The following MAGT1 variants were observed in gnomAD, a reference collection of about 807,000 sequenced individuals.
MAGT1 encodes magnesium transporter 1.
A neutral mutation model predicts 28.4 loss-of-function variants in MAGT1; 4 were observed. The ratio of observed to expected loss-of-function variants is 0.14; its 90% CI spans 0.07 to 0.32. The LOEUF (loss-of-function observed/expected upper bound fraction) is 0.32, where lower values mean the gene tolerates loss of function less well. MAGT1 is among the 10% of genes least tolerant of loss of function. The pLI, the probability that MAGT1 is intolerant of heterozygous loss-of-function variation, is 1.00. For missense variants in MAGT1, 193 were observed against 264.5 expected (o/e 0.73, Z 1.88); for synonymous variants, 89 against 89.7 (o/e 0.99, Z 0.04).
At chrX:77,839,303 T>TAAC (rs201726756) in intron 8 of MAGT1, among the ~76,000 whole-genome samples, 59 of 105,429 alleles carry the variant, frequency 5.6e-4, no homozygotes, top group Middle Eastern at 4.8e-3. Flanking sequence ...GACTCTGTCT[T>TAAC]AACAACAACA....
At chrX:77,889,140 ATTTTTT>A (rs782124850) in intron 1 of MAGT1, among the ~76,000 whole-genome samples, 1 of 68,302 alleles carries the variant, frequency 1.5e-5, no homozygotes, top group African/African-American at 5.6e-5. Flanking sequence ...ATGCTCTGCT[ATTTTTT>A]TTTTTTTTTT....
intron 2 of MAGT1, among the ~76,000 whole-genome samples, chrX:77,872,449 T>C (rs138911579): frequency 8.9e-6 from 1 of 112,178 alleles, no homozygotes; most frequent in Admixed American, 9.6e-5. Flanking sequence ...TCAGAATACA[T>C]TCTCTAATCT....
At chrX:77,829,739 C>T (rs1027708810) in intron 9 of MAGT1, among the ~76,000 whole-genome samples, 1 of 111,085 alleles carries the variant, frequency 9.0e-6, no homozygotes, top group African/African-American at 3.3e-5. Flanking sequence ...ATTACTCAGA[C>T]TGGAGTGCAG....
intron 7 of MAGT1, among the ~76,000 whole-genome samples, chrX:77,845,770 T>C (rs1457372229): frequency 6.2e-5 from 7 of 112,075 alleles, no homozygotes; most frequent in Non-Finnish European, 1.3e-4. Flanking sequence ...TGGCCCCCAC[T>C]CTCTTCTGGC....
intron 8 of MAGT1, among the ~76,000 whole-genome samples, chrX:77,839,266 C>T (rs1420018869): frequency 9.5e-6 from 1 of 105,243 alleles, no homozygotes; most frequent in Non-Finnish European, 2.0e-5. Context: ...ATCGCGCCAC[C>T]GCACTCCAGC....
At chrX:77,884,839 C>T (rs1434258474) in intron 1 of MAGT1, among the ~76,000 whole-genome samples, 4 of 107,578 alleles carry the variant, frequency 3.7e-5, no homozygotes, top group African/African-American at 1.4e-4. Context: ...AATCCCAGCA[C>T]TCTAGGAGGC....
intron 2 of MAGT1, among the ~76,000 whole-genome samples, chrX:77,873,903 C>G (rs966201888): frequency 2.2e-4 from 24 of 111,128 alleles, no homozygotes; most frequent in African/African-American, 7.8e-4. Context: ...CACATCCTCT[C>G]CTAAGACTCT....
At chrX:77,883,528 T>A (rs1420428181) in intron 1 of MAGT1, among the ~76,000 whole-genome samples, 3 of 107,358 alleles carry the variant, frequency 2.8e-5, no homozygotes, top group African/African-American at 1.0e-4. Context: ...GCAGAGGCAA[T>A]TAGATTACTT....
chrX:77,873,861 C>A, intron 2 of MAGT1, among the ~76,000 whole-genome samples: 1 of 111,566 alleles, frequency 9.0e-6, no homozygotes, highest in South Asian at 3.8e-4. Context: ...AACTTACCCC[C>A]CTCATCTAAC....
At chrX:77,871,734 C>T (rs1020182293) in intron 2 of MAGT1, among the ~76,000 whole-genome samples, 37 of 109,444 alleles carry the variant, frequency 3.4e-4, no homozygotes, top group Non-Finnish European at 4.6e-4. Context: ...CTCAGCTACT[C>T]GGGAGGCTGA....
chrX:77,880,114 C>T (rs895125266), intron 1 of MAGT1, among the ~76,000 whole-genome samples: 1 of 107,472 alleles, frequency 9.3e-6, no homozygotes, highest in African/African-American at 3.4e-5. Context: ...GCTGGGATTA[C>T]AGGCATGAGC....
intron 1 of MAGT1, among the ~76,000 whole-genome samples, chrX:77,882,481 T>C (rs1488389417): frequency 8.9e-6 from 1 of 111,942 alleles, no homozygotes; most frequent in Non-Finnish European, 1.9e-5. Context: ...ACATATTCTG[T>C]ATGGGGCTGA....
chrX:77,878,880 A>G (rs1251601568), intron 1 of MAGT1, among the ~76,000 whole-genome samples: 1 of 110,885 alleles, frequency 9.0e-6, no homozygotes, highest in East Asian at 2.8e-4. Flanking sequence ...ATTATTTGGC[A>G]TTTGTCCTAT....
At chrX:77,848,296 C>T (rs1407546767) in intron 7 of MAGT1, among the ~76,000 whole-genome samples, 2 of 111,739 alleles carry the variant, frequency 1.8e-5, no homozygotes, top group Non-Finnish European at 3.8e-5. Context: ...AATGTTACTC[C>T]AGGAGAACTG....
chrX:77,834,250 ATATACATG>A (rs1354572920), intron 8 of MAGT1, among the ~76,000 whole-genome samples: 9 of 61,613 alleles, frequency 1.5e-4, no homozygotes, highest in African/African-American at 3.2e-4. Context: ...ATATGCATAT[ATATACATG>A]TGTGTATATA....
At chrX:77,838,488 G>T (rs539432829) in intron 8 of MAGT1, among the ~76,000 whole-genome samples, 79 of 109,692 alleles carry the variant, frequency 7.2e-4, no homozygotes, top group Middle Eastern at 9.5e-3. Flanking sequence ...AGCTGAGCAC[G>T]GTGGCTCACG....
At chrX:77,865,396 T>C (rs1026697168) in intron 3 of MAGT1, among the ~76,000 whole-genome samples, 27 of 110,334 alleles carry the variant, frequency 2.4e-4, no homozygotes, top group Non-Finnish European at 4.0e-4. Flanking sequence ...TTCAAGCCAT[T>C]CTCCTGCCTC....
At chrX:77,833,387 G>A (rs2076904601) in intron 8 of MAGT1, among the ~76,000 whole-genome samples, 1 of 112,096 alleles carries the variant, frequency 8.9e-6, no homozygotes, top group African/African-American at 3.2e-5. Flanking sequence ...TTCAGTAGTG[G>A]TAATGGATCA....
intron 1 of MAGT1, among the ~76,000 whole-genome samples, chrX:77,875,901 G>GT (rs2077032109): frequency 9.1e-6 from 1 of 109,341 alleles, no homozygotes; most frequent in South Asian, 3.8e-4. Context: ...GCACAATGAG[G>GT]GCTCACTGTA....
Sources: gnomAD v4.1 joint callset for allele counts (sites outside exome capture counted in the v4.1 genomes callset) on GRCh38, gnomAD v4.1.1 for gene constraint, MANE v1.5 for transcripts, NCBI Gene and HGNC (gene_info 2026-07-23, HGNC 2026-07-21) for gene names.